The following GLIS3 variants were observed in gnomAD, a reference collection of about 807,000 sequenced individuals.
GLIS3 encodes the protein zinc finger protein GLIS3.
A neutral mutation model predicts 78.6 loss-of-function variants in GLIS3; 53 were observed. That is an observed-to-expected ratio of 0.67 (90% confidence interval 0.54 to 0.85). GLIS3 has a LOEUF of 0.85. Ranked by LOEUF, GLIS3 falls within the 40% of genes least tolerant of loss-of-function variation. GLIS3 has a pLI of 0.00. For missense variants in GLIS3, 1,703 were observed against 1,231.1 expected (o/e 1.38, Z -5.74); for synonymous variants, 684 against 509.9 (o/e 1.34, Z -4.60).
At chr9:4,267,852 G>A (rs540966118) in intron 2 of GLIS3, among the ~76,000 whole-genome samples, 3 of 152,234 alleles carry the variant, frequency 2.0e-5, no homozygotes, top group East Asian at 1.9e-4. Context: ...CCAAGACAAC[G>A]TTTCTACTAG....
intron 2 of GLIS3, among the ~76,000 whole-genome samples, chr9:4,200,665 A>G (rs1019115873): frequency 6.6e-6 from 1 of 152,198 alleles, no homozygotes; most frequent in African/African-American, 2.4e-5. Flanking sequence ...TCAGAAAAAA[A>G]CAAACAAAAA....
chr9:4,155,638 G>A (rs369866811), intron 2 of GLIS3, among the ~76,000 whole-genome samples: 4 of 152,232 alleles, frequency 2.6e-5, no homozygotes, highest in Non-Finnish European at 2.9e-5. Context: ...CAGAGAGTCC[G>A]AGCCAGGTAC....
chr9:4,397,790 G>C, the GLIS3 span, among the ~76,000 whole-genome samples: 1 of 151,230 alleles, frequency 6.6e-6, no homozygotes, highest in Non-Finnish European at 1.5e-5. Flanking sequence ...GGAGGGGAGG[G>C]GAGAGGAGGA....
the GLIS3 span, among the ~76,000 whole-genome samples, chr9:4,400,942 G>A: frequency 1.3e-5 from 2 of 152,148 alleles, no homozygotes; most frequent in East Asian, 1.9e-4. Context: ...GTAGGCCTCG[G>A]GCTCTGAGAT....
the GLIS3 span, among the ~76,000 whole-genome samples, chr9:4,412,396 C>T: frequency 6.6e-6 from 1 of 152,142 alleles, no homozygotes; most frequent in Non-Finnish European, 1.5e-5. Context: ...CTAAAAGCAT[C>T]CAAATCATTA....
the GLIS3 span, among the ~76,000 whole-genome samples, chr9:4,385,359 G>A: frequency 6.6e-6 from 1 of 152,114 alleles, no homozygotes; most frequent in South Asian, 2.1e-4. Context: ...ACTTAGCCTG[G>A]GCTTCTAGAA....
At chr9:4,457,872 A>G in the GLIS3 span, among the ~76,000 whole-genome samples, 2 of 151,368 alleles carry the variant, frequency 1.3e-5, no homozygotes, top group South Asian at 4.2e-4. Flanking sequence ...AAAATTGCAG[A>G]AACTGCAGTA....
the GLIS3 span, among the ~76,000 whole-genome samples, chr9:4,399,870 T>C: frequency 6.6e-6 from 1 of 152,072 alleles, no homozygotes; most frequent in South Asian, 2.1e-4. Context: ...AAGGAAAAGA[T>C]GGAGGGAAAA....
At chr9:4,260,817 G>A (rs1825453785) in intron 2 of GLIS3, among the ~76,000 whole-genome samples, 1 of 152,080 alleles carries the variant, frequency 6.6e-6, no homozygotes, top group Non-Finnish European at 1.5e-5. Context: ...AATACTTCTG[G>A]CTCATTACTG....
the GLIS3 span, among the ~76,000 whole-genome samples, chr9:4,472,169 C>G: frequency 6.6e-6 from 1 of 152,208 alleles, no homozygotes; most frequent in Non-Finnish European, 1.5e-5. Context: ...GGACTGTAAA[C>G]TAGTTCATCC....
intron 5 of GLIS3, among the ~76,000 whole-genome samples, chr9:3,933,290 C>T (rs1825724671): frequency 1.3e-5 from 2 of 152,192 alleles, no homozygotes; most frequent in African/African-American, 4.8e-5. Flanking sequence ...ATTCCCCTGC[C>T]TCAGCTTCCT....
intron 2 of GLIS3, among the ~76,000 whole-genome samples, chr9:4,315,170 C>T (rs932734790): frequency 5.3e-5 from 8 of 152,200 alleles, no homozygotes; most frequent in African/African-American, 7.2e-5. Flanking sequence ...TGGGAAGTGG[C>T]CTTTCTCACA....
At chr9:4,061,672 CA>C (rs1400233716) in intron 4 of GLIS3, among the ~76,000 whole-genome samples, 1 of 151,938 alleles carries the variant, frequency 6.6e-6, no homozygotes, top group Non-Finnish European at 1.5e-5. Context: ...GTCTCGGGTA[CA>C]AATGAAAGTT....
At chr9:3,943,779 G>A (rs1816100944) in intron 4 of GLIS3, among the ~76,000 whole-genome samples, 1 of 152,228 alleles carries the variant, frequency 6.6e-6, no homozygotes, top group Non-Finnish European at 1.5e-5. Flanking sequence ...CTCACTGAGT[G>A]CGTGCCGGTC....
the GLIS3 span, among the ~76,000 whole-genome samples, chr9:4,423,139 G>A: frequency 2.0e-5 from 3 of 152,010 alleles, no homozygotes; most frequent in South Asian, 6.2e-4. Flanking sequence ...GGGCAACTCC[G>A]ATCATTTCCC....
chr9:3,893,764 C>G (rs1445336), intron 7 of GLIS3, among the ~76,000 whole-genome samples: 5,170 of 152,306 alleles, frequency 0.034, 266 homozygotes, highest in African/African-American at 0.11. Context: ...CTGTCTGGCA[C>G]AAATTCAGAT....
chr9:4,121,980 T>A (rs1465282823), intron 3 of GLIS3, among the ~76,000 whole-genome samples: 2 of 152,250 alleles, frequency 1.3e-5, no homozygotes, highest in Non-Finnish European at 1.5e-5. Context: ...GAGAGCAATC[T>A]CCATTTCCAT....
At chr9:4,227,660 A>G (rs1482756826) in intron 2 of GLIS3, among the ~76,000 whole-genome samples, 1 of 152,216 alleles carries the variant, frequency 6.6e-6, no homozygotes, top group East Asian at 1.9e-4. Flanking sequence ...TATACAGCAG[A>G]CCTATCCGGG....
intron 4 of GLIS3, among the ~76,000 whole-genome samples, chr9:4,012,168 C>G (rs897523838): frequency 5.9e-5 from 9 of 152,184 alleles, no homozygotes; most frequent in Non-Finnish European, 1.3e-4. Context: ...CCTCTTCATA[C>G]CTACTCATTA....
Sources: allele counts gnomAD v4.1 joint callset (sites outside exome capture counted in the v4.1 genomes callset), GRCh38; gene constraint gnomAD v4.1.1; transcripts MANE v1.5; gene names NCBI Gene and HGNC (gene_info 2026-07-23, HGNC 2026-07-21).